Variants in MORN1 observed in about 807,000 individuals in gnomAD.
MORN1 encodes MORN repeat-containing protein 1.
A neutral mutation model predicts 61.9 loss-of-function variants in MORN1; 67 were observed. The observed-to-expected ratio is 1.08, with a 90% CI of 0.89 to 1.33. MORN1 has a LOEUF of 1.33. Among genes scored for constraint, MORN1 ranks in the 40% most tolerant of loss-of-function variants. The probability of loss-of-function intolerance (pLI) is 0.00; values close to 1 mark genes in which losing one functional copy is unlikely to be tolerated. For missense variants in MORN1, 752 were observed against 691.2 expected (o/e 1.09, Z -0.99); for synonymous variants, 301 against 292.0 (o/e 1.03, Z -0.31).
At chr1:2,358,112 G>A (rs564547519) in intron 9 of MORN1, among the ~76,000 whole-genome samples, 5 of 152,166 alleles carry the variant, frequency 3.3e-5, no homozygotes, top group East Asian at 1.9e-4. Flanking sequence ...CTCTGTTTGC[G>A]TGTGGGTTTG....
chr1:2,362,749 A>G (rs1418627056), intron 8 of MORN1, among the ~76,000 whole-genome samples: 1 of 152,194 alleles, frequency 6.6e-6, no homozygotes, highest in Non-Finnish European at 1.5e-5. Context: ...CTGTAATCCC[A>G]GCTACTTGGG....
intron 2 of MORN1, among the ~76,000 whole-genome samples, chr1:2,388,775 C>CA (rs57362688): frequency 0.05 from 3,239 of 64,386 alleles, 194 homozygotes; most frequent in East Asian, 0.098. Context: ...AAGACTGTCT[C>CA]AAAAAAAAAA....
intron 12 of MORN1, among the ~76,000 whole-genome samples, chr1:2,325,218 T>G (rs1189960267): frequency 8.5e-6 from 1 of 117,040 alleles, no homozygotes; most frequent in Non-Finnish European, 1.8e-5. Context: ...CTTTCTTCTT[T>G]TCTTTCTCTC....
intron 12 of MORN1, chr1:2,326,586 TGCGTCTGG>T (rs1175169193): frequency 1.3e-5 from 2 of 151,288 alleles, no homozygotes; most frequent in Admixed American, 1.3e-4. Flanking sequence ...GGACTGGGGG[TGCGTCTGG>T]GCACCCACTG....
intron 8 of MORN1, chr1:2,363,520 G>A (rs1641936463): frequency 6.6e-6 from 1 of 152,132 alleles, no homozygotes; most frequent in African/African-American, 2.4e-5. Context: ...ACTTTGGGAG[G>A]CCCAGGTGGG....
intron 8 of MORN1, among the ~76,000 whole-genome samples, chr1:2,363,804 A>ACAAG (rs1641943878): frequency 2.5e-5 from 2 of 80,616 alleles, no homozygotes; most frequent in East Asian, 8.5e-4. Context: ...AAACAAACAA[A>ACAAG]CAAAAAAATA....
rs141482757 is a variant in MORN1, at chr1:2,345,502, C to T, written c.1037-8652G>A. ...GGGCCAGGCTCTGCACCGGGGGACC[C>T]CCTGCCCTGCCAGCCGGACCCTCAG... On this transcript the variant is annotated intron_variant, in intron 10 of 13. Transcript: ENST00000378531. Among the ~76,000 whole-genome samples the T allele has an allele frequency of 2.2e-3, 335 of 152,338 alleles. 1 individual carries two copies. The highest frequency in any genetic ancestry group is 3.9e-3 in the Non-Finnish European group (262 of 68,010).
At chr1:2,390,762 T>G (rs1166936446) in intron 1 of MORN1, 1 of 985,128 alleles carries the variant, frequency 1.0e-6, no homozygotes, top group Non-Finnish European at 1.2e-6. Context: ...CTTTTTTTTT[T>G]TTTTGAGACT....
At chr1:2,354,612 A>T (rs1205738903) in intron 10 of MORN1, among the ~76,000 whole-genome samples, 2 of 152,142 alleles carry the variant, frequency 1.3e-5, no homozygotes, top group African/African-American at 4.8e-5. Context: ...TCCTCTTCTC[A>T]GTGTGGACTT....
chr1:2,325,658 T>C (rs1441089155), intron 12 of MORN1, among the ~76,000 whole-genome samples: 1 of 150,988 alleles, frequency 6.6e-6, no homozygotes, highest in East Asian at 1.9e-4. Flanking sequence ...TTTTTTTTTT[T>C]TTTTTTAGCA....
chr1:2,390,594 T>A (rs528975005), intron 1 of MORN1: 1 of 985,312 alleles, frequency 1.0e-6, no homozygotes, highest in East Asian at 1.1e-4. Context: ...GGGCAGGGTT[T>A]ATGGGAAAAT....
At chr1:2,380,371 G>A (rs1037375624) in intron 6 of MORN1, among the ~76,000 whole-genome samples, 3 of 152,214 alleles carry the variant, frequency 2.0e-5, no homozygotes, top group Admixed American at 6.5e-5. Context: ...CCAGCGCAGC[G>A]GCTCACGCCT....
chr1:2,336,524 C>A lies in MORN1; in HGVS notation c.1195G>T (p.Gly399Cys). 5 of 1,612,758 alleles carry A rather than the reference C, an allele frequency of 3.1e-6. No individual in the cohort carries two copies. Among genetic ancestry groups the A allele is most frequent in the Non-Finnish European group, 4.2e-6 (5 of 1,179,784 alleles). The stretch of plus-strand genomic sequence containing the variant: ...GGTGGTGTCCCCCTGGGGTGCAGGC[C>A]GCCTCTGGATCTGCCGCCTGCCTTC... ...HKKAGGRSRG[G>C]LHPRGTPPTA... Residue 399 changes from glycine (G) to cysteine (C), a missense_variant, in exon 12 of 14, where the codon GGC (glycine) becomes TGC (cysteine). Physicochemically the swap from Gly to Cys is radical, Grantham distance 159. Transcript: ENST00000378531.
chr1:2,385,527 C>T lies in MORN1; in HGVS notation c.449+280G>A, dbSNP rs558052982. The T allele has an allele frequency of 2.1e-3, 664 of 309,250 alleles. 9 individuals are homozygous for T. Among genetic ancestry groups the T allele is most frequent in the African/African-American group, 0.014 (495 of 34,396 alleles). 19.2% of individuals were successfully genotyped at this position (309,250 alleles called of 1,614,324 possible). ...TGGTGCCACTTTGCCGCCAGCCTGA[C>T]GTTCTCAGGAGGTATTTTAATCGGG... On this transcript the variant is annotated intron_variant, in intron 5 of 13. Coordinates refer to ENST00000378531, the MANE Select transcript of MORN1 (RefSeq NM_024848.3).
In MORN1 at chr1:2,372,400, G is replaced by A. The variant is rs889950243; in HGVS notation, c.745+81C>T. ...CCTCAGGAGCCACATGCAACATCTCGTCCGCATCTTCACTGCTTAAGAACC... is the reference window on the plus strand; with the variant it reads ...CCTCAGGAGCCACATGCAACATCTCATCCGCATCTTCACTGCTTAAGAACC... On this transcript the variant is annotated intron_variant, in intron 8 of 13. Coordinates refer to ENST00000378531, the MANE Select transcript of MORN1 (RefSeq NM_024848.3). The surrounding 1 kb of genome is among the most constrained non-coding windows in gnomAD (Gnocchi z 5.4). 7 of 1,083,814 alleles carry A rather than the reference G, an allele frequency of 6.5e-6. No homozygotes were observed. The highest frequency in any genetic ancestry group is 2.0e-4 in the Middle Eastern group (1 of 4,912). 67.1% of individuals were successfully genotyped at this position (1,083,814 alleles called of 1,614,324 possible). A position where few individuals can be genotyped will look rare whatever the true frequency, so the allele number is the denominator to read the frequency against.
At position 2,336,759 on chromosome 1, in the gene MORN1, C is replaced by CG; in HGVS notation, c.1127dup (p.Pro377AlafsTer43). On this transcript the variant is annotated frameshift_variant, in exon 11 of 14. Coordinates refer to ENST00000378531, the MANE Select transcript of MORN1 (RefSeq NM_024848.3). LOFTEE classifies it high-confidence loss of function. ...GGAACAGGAAGGGGTGGTACCCAGG[C>CG]GGGGGCGGCCCCAGGAGGACATCTG... 1 of 1,600,984 alleles carries CG rather than the reference C, an allele frequency of 6.2e-7. No individual in the cohort carries two copies. Among genetic ancestry groups the CG allele is most frequent in the Non-Finnish European group, 8.5e-7 (1 of 1,174,192 alleles).
At chr1:2,385,918 C>G (rs753981871) in intron 4 of MORN1, 21 bp from the exon 5 acceptor site, 4 of 1,609,890 alleles carry the variant, frequency 2.5e-6, no homozygotes. Flanking sequence ...GACCGAGAGA[C>G]AGACTTGGCT....
At chr1:2,327,337 CACAG>C (rs1473017657) in intron 12 of MORN1, among the ~76,000 whole-genome samples, 3 of 128,068 alleles carry the variant, frequency 2.3e-5, no homozygotes, top group South Asian at 2.7e-4. Context: ...CACAGAAACA[CACAG>C]ACAGAAACAA....
intron 13 of MORN1, chr1:2,322,941 C>T: frequency 1.0e-6 from 1 of 985,448 alleles, no homozygotes. Flanking sequence ...AGCCCTGGGC[C>T]AGCTCTCACT....
Sources: gnomAD v4.1 joint callset for allele counts (sites outside exome capture counted in the v4.1 genomes callset) on GRCh38, gnomAD v4.1.1 for gene constraint, Gnocchi (gnomAD v3.1) non-coding constraint, MANE v1.5 for transcripts, NCBI Gene and HGNC (gene_info 2026-07-23, HGNC 2026-07-21) for gene names.